The following ABLIM1 variants were observed in gnomAD, a reference collection of about 807,000 sequenced individuals.
The protein encoded by ABLIM1 is actin binding LIM protein 1, also known as actin-binding LIM protein 1.
ABLIM1 carries 40 observed loss-of-function variants against 107.0 expected under a neutral mutation model. That is an observed-to-expected ratio of 0.37 (90% confidence interval 0.29 to 0.49). ABLIM1 has a LOEUF of 0.49. ABLIM1 is among the 20% of genes least tolerant of loss of function. The pLI, the probability that ABLIM1 is intolerant of heterozygous loss-of-function variation, is 0.97. For missense variants in ABLIM1, 857 were observed against 1,008.5 expected (o/e 0.85, Z 2.04); for synonymous variants, 357 against 357.3 (o/e 1.00, Z 0.01).
chr10:114,571,042 A>G (rs1316820337), intron 4 of ABLIM1, among the ~76,000 whole-genome samples: 2 of 152,152 alleles, frequency 1.3e-5, no homozygotes, highest in African/African-American at 4.8e-5. Context: ...TGTCTTTTTC[A>G]TAATAGCTAT....
chr10:114,638,287 A>C (rs956284145), intron 1 of ABLIM1, among the ~76,000 whole-genome samples: 2 of 152,242 alleles, frequency 1.3e-5, no homozygotes, highest in East Asian at 3.8e-4. Context: ...ATTGCTTCAA[A>C]GTATTTGCCA....
intron 2 of ABLIM1, among the ~76,000 whole-genome samples, chr10:114,583,464 CACACATATATATATATAT>C (rs1274404696): frequency 3.0e-3 from 25 of 8,306 alleles, no homozygotes; most frequent in Admixed American, 7.1e-3. Context: ...CACACACACA[CACACATATATATATATAT>C]ATATATATAT....
intron 6 of ABLIM1, among the ~76,000 whole-genome samples, chr10:114,524,101 G>A (rs2064225271): frequency 6.6e-6 from 1 of 152,194 alleles, no homozygotes; most frequent in Admixed American, 6.5e-5. Flanking sequence ...AATAAGTCAA[G>A]GTGTTTCCCT....
rs2061614800 is a variant in ABLIM1, at chr10:114,509,864, G to A, written c.895-17986C>T. Among the ~76,000 whole-genome samples, 3 of 152,356 alleles carry A rather than the reference G, an allele frequency of 2.0e-5. No homozygotes were observed. The South Asian group carries it at 6.2e-4, about 32-fold the overall frequency. On this transcript the variant is annotated intron_variant, in intron 6 of 22. Coordinates refer to ENST00000533213, the MANE Select transcript of ABLIM1 (RefSeq NM_002313.7). The stretch of plus-strand genomic sequence containing the variant: ...AGGAAAGAGGTTGAATGGACTCACA[G>A]TTCCACATGGCTGACACGGGGAGGC...
the ABLIM1 span, among the ~76,000 whole-genome samples, chr10:114,793,296 CCT>C: frequency 6.6e-6 from 1 of 152,008 alleles, no homozygotes; most frequent in Non-Finnish European, 1.5e-5. Context: ...GTGAGTGAAT[CCT>C]CATGAGATCT....
chr10:114,524,345 G>A (rs1360622790), intron 6 of ABLIM1, among the ~76,000 whole-genome samples: 4 of 151,996 alleles, frequency 2.6e-5, no homozygotes, highest in East Asian at 1.9e-4. Context: ...AATTTTAAAC[G>A]GAAAAAATCC....
chr10:114,509,270 G>A (rs927781124), intron 6 of ABLIM1, among the ~76,000 whole-genome samples: 4 of 152,172 alleles, frequency 2.6e-5, no homozygotes, highest in African/African-American at 7.2e-5. Flanking sequence ...CTCCCAGGAC[G>A]AGTCAGGGTG....
intron 4 of ABLIM1, among the ~76,000 whole-genome samples, chr10:114,553,400 G>C (rs1262394939): frequency 6.6e-6 from 1 of 152,186 alleles, no homozygotes; most frequent in Non-Finnish European, 1.5e-5. Flanking sequence ...GAGAACGATG[G>C]GGAGAAGTAT....
At chr10:114,652,624 C>T (rs2141111542) in intron 1 of ABLIM1, among the ~76,000 whole-genome samples, 1 of 152,306 alleles carries the variant, frequency 6.6e-6, no homozygotes, top group East Asian at 1.9e-4. Context: ...CCCTGCTCTC[C>T]AGTCCAGAAC....
At chr10:114,602,902 G>A (rs993786104) in intron 1 of ABLIM1, among the ~76,000 whole-genome samples, 1 of 152,198 alleles carries the variant, frequency 6.6e-6, no homozygotes, top group Non-Finnish European at 1.5e-5. Flanking sequence ...AGAAGGCAGT[G>A]AGGGGACACT....
intron 6 of ABLIM1, among the ~76,000 whole-genome samples, chr10:114,530,958 C>G (rs1171519505): frequency 6.6e-6 from 1 of 152,204 alleles, no homozygotes; most frequent in Admixed American, 6.5e-5. Context: ...TATCCACACA[C>G]CTTTATTGAG....
intron 6 of ABLIM1, among the ~76,000 whole-genome samples, chr10:114,536,461 T>C (rs1041932782): frequency 6.6e-6 from 1 of 151,940 alleles, no homozygotes; most frequent in Non-Finnish European, 1.5e-5. Context: ...CTGGCCAGGC[T>C]GGTCTCGAAC....
chr10:114,484,435 T>C (rs1590254517), intron 8 of ABLIM1, among the ~76,000 whole-genome samples: 1 of 152,160 alleles, frequency 6.6e-6, no homozygotes, highest in Admixed American at 6.5e-5. Context: ...CCGGCTGGAG[T>C]GCAGTGGCGC....
At chr10:114,509,143 C>T (rs894334708) in intron 6 of ABLIM1, among the ~76,000 whole-genome samples, 1 of 152,124 alleles carries the variant, frequency 6.6e-6, no homozygotes, top group Non-Finnish European at 1.5e-5. Context: ...AACTCTAAAC[C>T]GCACACCCTG....
chr10:114,491,702 C>A (rs1056947074), intron 7 of ABLIM1, 89 bp downstream of exon 7: 1 of 1,283,162 alleles, frequency 7.8e-7, no homozygotes, highest in Non-Finnish European at 1.1e-6. Flanking sequence ...TAATAACATG[C>A]CTCCTTCTCT....
At chr10:114,698,679 C>A (rs1011480125) in intron 1 of ABLIM1, among the ~76,000 whole-genome samples, 1 of 152,120 alleles carries the variant, frequency 6.6e-6, no homozygotes. Flanking sequence ...GATACCAGTT[C>A]AGGTTACCAA....
intron 1 of ABLIM1, among the ~76,000 whole-genome samples, 192 bp from the exon 2 acceptor site, chr10:114,602,153 CG>C (rs556860764): frequency 1.2e-4 from 19 of 152,152 alleles, no homozygotes; most frequent in African/African-American, 4.6e-4. Flanking sequence ...TTGACAGTCC[CG>C]GGGGGAAAAC....
At chr10:114,589,789 T>C (rs1437203146) in intron 2 of ABLIM1, among the ~76,000 whole-genome samples, 1 of 152,148 alleles carries the variant, frequency 6.6e-6, no homozygotes, top group Admixed American at 6.5e-5. Context: ...ATAAGGTTTA[T>C]AAAGTAAAAA....
At chr10:114,784,872 GA>G in the ABLIM1 span, among the ~76,000 whole-genome samples, 6 of 151,044 alleles carry the variant, frequency 4.0e-5, no homozygotes, top group East Asian at 1.9e-4. Flanking sequence ...GACCATAAAG[GA>G]AAAAAAATGT....
Sources: allele counts gnomAD v4.1 joint callset (sites outside exome capture counted in the v4.1 genomes callset), GRCh38; gene constraint gnomAD v4.1.1; transcripts MANE v1.5; gene names NCBI Gene and HGNC (gene_info 2026-07-23, HGNC 2026-07-21).